DPP10: variants seen among roughly 807,000 people sequenced by gnomAD.
The protein encoded by DPP10 is dipeptidyl peptidase like 10.
Under a neutral mutation model 120.9 loss-of-function variants are expected in DPP10, and 33 were observed. The observed-to-expected ratio is 0.27, with a 90% CI of 0.21 to 0.37. The LOEUF (loss-of-function observed/expected upper bound fraction) is 0.37, where lower values mean the gene tolerates loss of function less well. Among genes scored for constraint, DPP10 ranks in the 10% least tolerant of loss-of-function variants. The pLI is 1.00. For synonymous variants in DPP10, 337 were observed against 326.1 expected (o/e 1.03, Z -0.36); for missense variants, 816 against 942.8 (o/e 0.87, Z 1.76).
intron 7 of DPP10, among the ~76,000 whole-genome samples, chr2:115,694,360 G>C (rs372434004): frequency 1.3e-5 from 2 of 152,072 alleles, no homozygotes; most frequent in African/African-American, 4.8e-5. Context: ...AATCTTATTT[G>C]CTGTAAAAGA....
At chr2:114,798,109 G>A (rs1182675640) in intron 1 of DPP10, among the ~76,000 whole-genome samples, 5 of 152,082 alleles carry the variant, frequency 3.3e-5, no homozygotes, top group Non-Finnish European at 5.9e-5. Context: ...ATCTGTCAAG[G>A]TCCCGAAACC....
At chr2:115,344,619 TG>T (rs2063621076) in intron 3 of DPP10, among the ~76,000 whole-genome samples, 1 of 152,110 alleles carries the variant, frequency 6.6e-6, no homozygotes, top group Non-Finnish European at 1.5e-5. Context: ...AGTCAATCTC[TG>T]ACATAAAAAT....
At chr2:114,887,971 G>A (rs1322764141) in intron 1 of DPP10, among the ~76,000 whole-genome samples, 5 of 151,744 alleles carry the variant, frequency 3.3e-5, no homozygotes, top group African/African-American at 4.8e-5. Flanking sequence ...AACCCCGACC[G>A]TCTCTACTAA....
intron 1 of DPP10, among the ~76,000 whole-genome samples, chr2:115,229,214 T>C (rs565504934): frequency 6.6e-6 from 1 of 152,240 alleles, no homozygotes; most frequent in East Asian, 1.9e-4. Flanking sequence ...CCATTTTTAA[T>C]TGCATTATTA....
At chr2:115,378,444 G>T (rs1056324511) in intron 3 of DPP10, among the ~76,000 whole-genome samples, 7 of 151,700 alleles carry the variant, frequency 4.6e-5, no homozygotes, top group African/African-American at 1.7e-4. Context: ...AGCTTAAGGA[G>T]ATTTTGGGCT....
At chr2:114,793,729 T>C (rs1415842707) in intron 1 of DPP10, among the ~76,000 whole-genome samples, 1 of 152,184 alleles carries the variant, frequency 6.6e-6, no homozygotes, top group Admixed American at 6.6e-5. Context: ...ATTAACAAGA[T>C]ATCCCCTAAA....
chr2:115,430,239 A>T (rs368312366), intron 3 of DPP10, among the ~76,000 whole-genome samples: 59 of 152,310 alleles, frequency 3.9e-4, no homozygotes, highest in Non-Finnish European at 6.6e-4. Context: ...GAATGAATAC[A>T]AGGTCAGTGC....
intron 1 of DPP10, among the ~76,000 whole-genome samples, chr2:114,943,281 T>G (rs1044374804): frequency 9.9e-5 from 15 of 152,174 alleles, no homozygotes; most frequent in African/African-American, 3.4e-4. Flanking sequence ...TGCCACAGTT[T>G]TTTTTTCTTT....
At chr2:115,533,214 A>G (rs978651707) in intron 5 of DPP10, among the ~76,000 whole-genome samples, 2 of 152,106 alleles carry the variant, frequency 1.3e-5, no homozygotes, top group Admixed American at 6.6e-5. Context: ...TGTCCTCTAT[A>G]CATAATGGGA....
chr2:115,652,712 G>T (rs2087909189), intron 5 of DPP10, among the ~76,000 whole-genome samples: 1 of 151,842 alleles, frequency 6.6e-6, no homozygotes, highest in South Asian at 2.1e-4. Flanking sequence ...GTTGGGCAGA[G>T]AAAGCGAATC....
chr2:114,828,068 C>T (rs1686724774), intron 1 of DPP10, among the ~76,000 whole-genome samples: 1 of 151,868 alleles, frequency 6.6e-6, no homozygotes, highest in East Asian at 1.9e-4. Flanking sequence ...TTTCTTCTTC[C>T]ATTTACTTTG....
intron 7 of DPP10, among the ~76,000 whole-genome samples, chr2:115,696,517 G>A (rs2091597935): frequency 6.6e-6 from 1 of 152,130 alleles, no homozygotes; most frequent in Non-Finnish European, 1.5e-5. Flanking sequence ...TGGAAAAACT[G>A]TGTTTCAAAA....
At chr2:115,489,157 A>G (rs1376851902) in intron 3 of DPP10, among the ~76,000 whole-genome samples, 1 of 152,126 alleles carries the variant, frequency 6.6e-6, no homozygotes, top group African/African-American at 2.4e-5. Flanking sequence ...TTTGCGGGCC[A>G]TATTTTCTCT....
intron 1 of DPP10, among the ~76,000 whole-genome samples, chr2:115,301,901 A>G (rs1044438617): frequency 6.6e-6 from 1 of 151,930 alleles, no homozygotes; most frequent in African/African-American, 2.4e-5. Flanking sequence ...TTTTGTTTCT[A>G]ATTTACTGTT....
At chr2:114,520,254 T>C (rs1684943315) in intron 1 of DPP10, among the ~76,000 whole-genome samples, 1 of 152,234 alleles carries the variant, frequency 6.6e-6, no homozygotes, top group Admixed American at 6.5e-5. Flanking sequence ...AGTGTGTTTT[T>C]CTCCATTTCT....
chr2:114,994,213 A>T (rs1437425871), intron 1 of DPP10, among the ~76,000 whole-genome samples: 1 of 152,172 alleles, frequency 6.6e-6, no homozygotes, highest in Non-Finnish European at 1.5e-5. Context: ...AAGAGCTTTT[A>T]TATTTAATGT....
chr2:114,753,185 G>T (rs1324150274), intron 1 of DPP10, among the ~76,000 whole-genome samples: 2 of 152,100 alleles, frequency 1.3e-5, no homozygotes, highest in African/African-American at 4.8e-5. Context: ...AGAAAGATCA[G>T]GTAGGATGAG....
chr2:114,497,058 TATATAC>T lies in DPP10; in HGVS notation c.60+54224_60+54229del, dbSNP rs774684015. Among the ~76,000 whole-genome samples the T allele has an allele frequency of 8.5e-3, 1,273 of 150,608 alleles. 11 individuals are homozygous for T. Among genetic ancestry groups the T allele is most frequent in the South Asian group, 0.018 (85 of 4,778 alleles). ...ATACATATATATGCATACACATACA[TATATAC>T]ATACACATATACATATACATGTACA... On this transcript the variant is annotated intron_variant, in intron 1 of 25. Transcript: ENST00000410059.
At chr2:115,082,568 C>T (rs1311855796) in intron 1 of DPP10, among the ~76,000 whole-genome samples, 4 of 152,160 alleles carry the variant, frequency 2.6e-5, no homozygotes, top group Non-Finnish European at 5.9e-5. Context: ...TACAATGCTA[C>T]AGAAAGGATG....
Sources: gnomAD v4.1 joint callset for allele counts (sites outside exome capture counted in the v4.1 genomes callset) on GRCh38, gnomAD v4.1.1 for gene constraint, MANE v1.5 for transcripts, NCBI Gene and HGNC (gene_info 2026-07-23, HGNC 2026-07-21) for gene names.